ZNF596: variants seen among roughly 807,000 people sequenced by gnomAD.
ZNF596 encodes zinc finger protein 596.
ZNF596 carries 45 observed loss-of-function variants against 48.3 expected under a neutral mutation model. That is an observed-to-expected ratio of 0.93 (90% CI 0.73 to 1.19). The LOEUF (loss-of-function observed/expected upper bound fraction) is 1.19, where lower values mean the gene tolerates loss of function less well. Ranked by LOEUF, ZNF596 falls within the 50% of genes most tolerant of loss-of-function variation. The pLI is 0.00. For synonymous variants in ZNF596, 270 were observed against 202.0 expected (o/e 1.34, Z -2.85); for missense variants, 848 against 599.7 (o/e 1.41, Z -4.32).
intron 1 of ZNF596, among the ~76,000 whole-genome samples, chr8:235,405 A>G (rs928595537): frequency 7.2e-5 from 11 of 152,190 alleles, no homozygotes; most frequent in Non-Finnish European, 1.3e-4. Flanking sequence ...GCAGCCCACA[A>G]ACTGTATAGA....
chr8:242,808 G>C (rs1796907796), intron 2 of ZNF596, 79 bp from the exon 3 acceptor site: 2 of 1,344,732 alleles, frequency 1.5e-6, no homozygotes, highest in Admixed American at 2.6e-5. Flanking sequence ...CACTTCCTTA[G>C]TACAGTCACT....
In ZNF596 at chr8:243,585, G is replaced by C. The variant is rs2240379; in HGVS notation, c.140-137G>C. On this transcript the variant is annotated intron_variant, in intron 3 of 5. Transcript: ENST00000398612. ...ATTTTGCTCGTGAAGGACTGTCAATGTTGTCTTCAAGGTACTCTTCCCAGG... is the reference window on the plus strand; with the variant it reads ...ATTTTGCTCGTGAAGGACTGTCAATCTTGTCTTCAAGGTACTCTTCCCAGG... 11 of 701,396 alleles carry C rather than the reference G, an allele frequency of 1.6e-5. No individual in the cohort carries two copies. The African/African-American group carries it at 2.0e-4, about 13-fold the overall frequency. 43.4% of individuals were successfully genotyped at this position (701,396 alleles called of 1,614,324 possible). A position where few individuals can be genotyped will look rare whatever the true frequency, so the allele number is the denominator to read the frequency against.
rs1458238363 is a variant in ZNF596, at chr8:245,651, A to T, written c.804A>T (p.Arg268=). The T allele has an allele frequency of 6.2e-7, 1 of 1,613,964 alleles. No homozygotes were observed. The highest frequency in any genetic ancestry group is 1.3e-5 in the African/African-American group (1 of 74,908). The change falls in exon 6 of 6, where the codon CGA becomes CGT. Residue 268 remains arginine, a synonymous_variant. Coordinates refer to ENST00000398612, the MANE Select transcript of ZNF596 (RefSeq NM_001042416.3). ...KAFSKSSNLR[R]HEMIHTREKA... ...TCAGTAAAAGTTCTAACCTTAGACG[A>T]CATGAGATGATTCACACTAGAGAAA...
chr8:245,068 T>C (rs1797007602), intron 5 of ZNF596, 86 bp from the exon 6 acceptor site: 2 of 1,443,626 alleles, frequency 1.4e-6, no homozygotes, highest in Admixed American at 4.7e-5. Flanking sequence ...ATGATTATTC[T>C]AGAATTAATA....
intron 1 of ZNF596, among the ~76,000 whole-genome samples, chr8:238,422 T>C (rs946903859): frequency 6.6e-6 from 1 of 152,052 alleles, no homozygotes; most frequent in Admixed American, 6.6e-5. Context: ...TCTGTGAGAC[T>C]GGGAGATATT....
chr8:235,775 T>C (rs943215224), intron 1 of ZNF596, among the ~76,000 whole-genome samples: 10 of 152,310 alleles, frequency 6.6e-5, no homozygotes, highest in African/African-American at 1.4e-4. Context: ...CTATTGTATA[T>C]GATAAAATAT....
Position 240,827 on chromosome 8 carries a change from T to G in ZNF596, c.-69T>G. 2.5e-6 allele frequency: 4 copies of G among 1,598,184 alleles called. No homozygotes were observed. The highest frequency in any genetic ancestry group is 3.4e-6 in the Non-Finnish European group (4 of 1,165,744). On this transcript the variant is annotated 5_prime_UTR_variant, in exon 2 of 6. Transcript: ENST00000398612. ...TTTTGTTTTTGTTTTTGCTCAGATT[T>G]GTCTTCTTAGTGCTTGGATGGTGTG...
intron 2 of ZNF596, among the ~76,000 whole-genome samples, chr8:242,420 A>G (rs944171010): frequency 3.4e-5 from 5 of 147,362 alleles, no homozygotes; most frequent in African/African-American, 1.4e-4. Flanking sequence ...ACCTTTTTGA[A>G]CTCATAACAG....
chr8:242,632 G>T (rs1377618222), intron 2 of ZNF596, among the ~76,000 whole-genome samples: 1 of 152,160 alleles, frequency 6.6e-6, no homozygotes, highest in East Asian at 1.9e-4. Context: ...TACTTTAGAA[G>T]TCTATTGGGA....
chr8:240,437 GAA>G (rs1796806448), intron 1 of ZNF596: 1 of 180,476 alleles, frequency 5.5e-6, no homozygotes, highest in East Asian at 1.5e-4. Context: ...TGCATGTGGA[GAA>G]AGCCTGCAAG....
intron 3 of ZNF596, 120 bp downstream of exon 3, chr8:243,133 C>T (rs1796922072): frequency 2.3e-6 from 2 of 870,380 alleles, no homozygotes; most frequent in Non-Finnish European, 3.2e-6. Flanking sequence ...ATCACTTCAA[C>T]TTCTGCTTTG....
chr8:237,826 C>A (rs976849568), intron 1 of ZNF596, among the ~76,000 whole-genome samples: 2 of 152,202 alleles, frequency 1.3e-5, no homozygotes, highest in African/African-American at 2.4e-5. Context: ...GTAGCAGACC[C>A]ATTAAAAACA....
chr8:246,675 A>AT lies in ZNF596; in HGVS notation c.*313_*314insT, dbSNP rs1327005040. On this transcript the variant is annotated 3_prime_UTR_variant, in exon 6 of 6. Coordinates refer to ENST00000398612, the MANE Select transcript of ZNF596 (RefSeq NM_001042416.3). Reference sequence around the variant, plus strand: ...AATTCTGTGCCTGTCGTCAGTGTGAAAATGCCTTTGCTGATAATTTATCCT... The same window carrying AT: ...AATTCTGTGCCTGTCGTCAGTGTGAATAATGCCTTTGCTGATAATTTATCCT... 3 of 245,728 alleles carry AT rather than the reference A, an allele frequency of 1.2e-5. No homozygotes were observed. Among genetic ancestry groups the AT allele is most frequent in the Non-Finnish European group, 2.3e-5 (3 of 128,616 alleles). 15.2% of individuals were successfully genotyped at this position (245,728 alleles called of 1,614,324 possible).
intron 2 of ZNF596, 151 bp downstream of exon 2, chr8:241,058 T>C (rs1796834244): frequency 1.1e-6 from 1 of 952,322 alleles, no homozygotes. Flanking sequence ...TTACATTGGC[T>C]CAAAGAGTCA....
rs1187825379 is a variant in ZNF596 at position 243,823 on chromosome 8, G to A, written c.223+18G>A. The A allele has an allele frequency of 1.2e-6, 2 of 1,606,880 alleles. No individual in the cohort carries two copies. The highest frequency in any genetic ancestry group is 8.5e-7 in the Non-Finnish European group (1 of 1,175,206). On this transcript the variant is annotated intron_variant, in intron 4 of 5. Coordinates refer to ENST00000398612, the MANE Select transcript of ZNF596 (RefSeq NM_001042416.3). ...ACTGCAAGGTGAGCTCTAAGAAGCAGTGCTTCAATAGGAGGAGGAGAAACA... is the reference window on the plus strand; with the variant it reads ...ACTGCAAGGTGAGCTCTAAGAAGCAATGCTTCAATAGGAGGAGGAGAAACA...
At chr8:240,946 C>T in intron 2 of ZNF596, 39 bp downstream of exon 2, 2 of 1,613,114 alleles carry the variant, frequency 1.2e-6, no homozygotes, top group Non-Finnish European at 1.7e-6. Flanking sequence ...AATTTGTACC[C>T]CTGTTACCAG....
intron 1 of ZNF596, chr8:232,899 G>A (rs920124560): frequency 6.4e-6 from 3 of 468,374 alleles, no homozygotes; most frequent in African/African-American, 6.2e-5. Flanking sequence ...CTGGGGTAGG[G>A]GACCTGCCCG....
chr8:246,536 C>A lies in ZNF596; in HGVS notation c.*174C>A. 1.3e-6 allele frequency: 1 copy of A among 766,564 alleles called. No individual in the cohort carries two copies. The highest frequency in any genetic ancestry group is 2.8e-5 in the East Asian group (1 of 35,868). The allele number at this position is 766,564 out of a possible 1,614,324, so 47.5% of individuals were successfully genotyped here. The stretch of plus-strand genomic sequence containing the variant: ...TATTTAATGTTTATGGCACAAACTT[C>A]AGACTCTAGGCTGACCATATACAAC... On this transcript the variant is annotated 3_prime_UTR_variant, in exon 6 of 6. Transcript: ENST00000398612.
intron 5 of ZNF596, 136 bp downstream of exon 5, chr8:244,837 G>A (rs571030384): frequency 3.8e-5 from 28 of 740,932 alleles, no homozygotes; most frequent in South Asian, 5.9e-5. Flanking sequence ...TAGTGAAGAC[G>A]TTAACTTCAA....
Sources: gnomAD v4.1 joint callset for allele counts (sites outside exome capture counted in the v4.1 genomes callset) on GRCh38, gnomAD v4.1.1 for gene constraint, MANE v1.5 for transcripts, NCBI Gene and HGNC (gene_info 2026-07-23, HGNC 2026-07-21) for gene names.